Variants in HESX1 observed in about 807,000 individuals in gnomAD.
HESX1 encodes the protein HESX homeobox 1, also known as homeobox expressed in ES cells 1.
HESX1 carries 11 observed loss-of-function variants against 22.5 expected under a neutral mutation model. The ratio of observed to expected loss-of-function variants is 0.49; its 90% confidence interval spans 0.31 to 0.81. The LOEUF is 0.81. HESX1 is among the 30% of genes least tolerant of loss of function. HESX1 has a pLI of 0.05. For synonymous variants in HESX1, 74 were observed against 76.5 expected (o/e 0.97, Z 0.17); for missense variants, 201 against 212.6 (o/e 0.95, Z 0.34).
At chr3:57,216,781 G>A (rs2060585008) in intron 1 of HESX1, among the ~76,000 whole-genome samples, 2 of 152,150 alleles carry the variant, frequency 1.3e-5, no homozygotes, top group Admixed American at 1.3e-4. Context: ...TTAAGATGGT[G>A]TCTGCCAGGT....
intron 1 of HESX1, among the ~76,000 whole-genome samples, chr3:57,212,389 T>C (rs1438075056): frequency 6.6e-6 from 1 of 151,688 alleles, no homozygotes; most frequent in Non-Finnish European, 1.5e-5. Flanking sequence ...TGAAACCCCG[T>C]CTCTACTAAA....
Position 57,208,220 on chromosome 3 carries a change from T to C in HESX1, c.-110-8192A>G, listed in dbSNP as rs183261536. Among the ~76,000 whole-genome samples, 23 of 152,302 alleles carry C rather than the reference T, an allele frequency of 1.5e-4. No homozygotes were observed. In the East Asian group the frequency reaches 2.7e-3, roughly 18 times the overall value. ...AGCTGTATGCATTTGTCAGTACTCA[T>C]TGATTGGTACTCTAAAATTTGTTCA... On this transcript the variant is annotated intron_variant, in intron 1 of 2. Transcript: ENST00000495160.
chr3:57,217,138 C>A (rs906166965), intron 1 of HESX1, among the ~76,000 whole-genome samples: 1 of 152,094 alleles, frequency 6.6e-6, no homozygotes, highest in Non-Finnish European at 1.5e-5. Context: ...GCCCTCCAAG[C>A]TTCTTTTTAG....
intron 1 of HESX1, among the ~76,000 whole-genome samples, chr3:57,217,104 T>C (rs1559501685): frequency 6.6e-6 from 1 of 152,074 alleles, no homozygotes; most frequent in Non-Finnish European, 1.5e-5. Flanking sequence ...TCCAGGGACT[T>C]AGGATAAGCC....
In HESX1 at chr3:57,198,734, G is replaced by A. The variant is rs371470755; in HGVS notation, c.357+19C>T. On this transcript the variant is annotated intron_variant, in intron 2 of 3. Transcript: ENST00000295934. ...TTAAAGCCTTTATATTATCATTATT[G>A]GGTGAAAAAACTTCCCACCTGGTTT... is the stretch of plus-strand genomic sequence containing the variant. 157 of 1,606,338 alleles carry A rather than the reference G, an allele frequency of 9.8e-5. 1 individual carries two copies. In the South Asian group the frequency reaches 1.6e-3, roughly 17 times the overall value.
chr3:57,221,804 G>A lies in HESX1; in HGVS notation c.-111+4492C>T, dbSNP rs554659254. 7.2e-5 allele frequency among the ~76,000 whole-genome samples: 11 copies of A among 151,876 alleles called. No homozygotes were observed. The East Asian group carries it at 1.2e-3, about 16-fold the overall frequency. ...GTATTTTTAGTAGAGATGGGGTTTC[G>A]CCATATTGTCAAGGCTGGTCTTGAA... On this transcript the variant is annotated intron_variant, in intron 1 of 2. Coordinates refer to the HESX1 transcript ENST00000495160.
intron 1 of HESX1, among the ~76,000 whole-genome samples, chr3:57,220,939 T>C (rs2060612143): frequency 6.6e-6 from 1 of 152,168 alleles, no homozygotes; most frequent in Non-Finnish European, 1.5e-5. Context: ...CCTGTCATCT[T>C]GGGCTCTGCG....
intron 1 of HESX1, among the ~76,000 whole-genome samples, chr3:57,217,692 G>A (rs2060590167): frequency 6.6e-6 from 1 of 152,004 alleles, no homozygotes; most frequent in Admixed American, 6.6e-5. Context: ...CCTCCTTTAT[G>A]GGTACTTCCC....
upstream of HESX1, among the ~76,000 whole-genome samples, chr3:57,201,881 ATCTATC>A (rs1559498201): frequency 1.1e-4 from 14 of 131,342 alleles, no homozygotes; most frequent in African/African-American, 3.9e-4. Context: ...ATCTATATCT[ATCTATC>A]TATCTATCTA....
intron 1 of HESX1, among the ~76,000 whole-genome samples, chr3:57,210,179 AG>A (rs1195477375): frequency 6.6e-6 from 1 of 152,236 alleles, no homozygotes; most frequent in African/African-American, 2.4e-5. Flanking sequence ...GAGAAAGAAA[AG>A]TCTGACATAT....
chr3:57,217,895 T>A (rs1237610826), intron 1 of HESX1, among the ~76,000 whole-genome samples: 1 of 152,084 alleles, frequency 6.6e-6, no homozygotes, highest in Non-Finnish European at 1.5e-5. Flanking sequence ...TGCCTCCTCA[T>A]CTTCACAGGC....
chr3:57,208,472 T>TA (rs1340628631), intron 1 of HESX1, among the ~76,000 whole-genome samples: 1 of 151,724 alleles, frequency 6.6e-6, no homozygotes, highest in East Asian at 2.0e-4. Flanking sequence ...TCAGCCTCCC[T>TA]AGCAGCAGGG....
intron 2 of HESX1, 35 bp from the exon 3 acceptor site, chr3:57,198,527 C>T (rs763055023): frequency 2.3e-6 from 3 of 1,293,398 alleles, no homozygotes; most frequent in Non-Finnish European, 3.3e-6. Context: ...CAGTATGTCT[C>T]CAAAAATGAG....
intron 1 of HESX1, among the ~76,000 whole-genome samples, chr3:57,221,340 T>G (rs2060614955): frequency 6.6e-6 from 1 of 151,482 alleles, no homozygotes; most frequent in Admixed American, 6.6e-5. Flanking sequence ...TTTTTTTTGT[T>G]AAGATGGGTT....
intron 1 of HESX1, among the ~76,000 whole-genome samples, chr3:57,210,919 T>C (rs6774365): frequency 1.3e-5 from 2 of 152,172 alleles, no homozygotes; most frequent in African/African-American, 4.8e-5. Flanking sequence ...AGGGCATTCA[T>C]TTAAAAATCT....
chr3:57,200,813 G>A (rs528832176), upstream of HESX1, among the ~76,000 whole-genome samples: 38 of 152,254 alleles, frequency 2.5e-4, no homozygotes, highest in Admixed American at 9.8e-4. Flanking sequence ...AAAAATTTCC[G>A]TCTGTTGATC....
upstream of HESX1, chr3:57,200,148 A>T (rs549564119): frequency 5.4e-4 from 284 of 523,044 alleles, no homozygotes; most frequent in Non-Finnish European, 9.1e-4. Flanking sequence ...GTAATTAGCA[A>T]CTAATGGCTA....
chr3:57,200,981 C>T (rs756527034), upstream of HESX1, among the ~76,000 whole-genome samples: 5 of 152,156 alleles, frequency 3.3e-5, no homozygotes, highest in African/African-American at 7.2e-5. Flanking sequence ...CTGTTCCCCC[C>T]GCAAAGGTAT....
upstream of HESX1, chr3:57,200,100 C>A: frequency 1.6e-6 from 1 of 618,654 alleles, no homozygotes; most frequent in East Asian, 2.8e-5. Context: ...ACTTGCCCAG[C>A]CAGCAGCTTA....
Sources: allele counts gnomAD v4.1 joint callset (sites outside exome capture counted in the v4.1 genomes callset), GRCh38; gene constraint gnomAD v4.1.1; transcripts MANE v1.5; gene names NCBI Gene and HGNC (gene_info 2026-07-23, HGNC 2026-07-21).